Variants in SIGLEC11 observed in about 807,000 individuals in gnomAD.
SIGLEC11 encodes sialic acid-binding Ig-like lectin 11.
A neutral mutation model predicts 61.2 loss-of-function variants in SIGLEC11; 47 were observed. That is an observed-to-expected ratio of 0.77 (90% confidence interval 0.61 to 0.98). SIGLEC11 has a LOEUF of 0.98. SIGLEC11 is among the 50% of genes least tolerant of loss of function. The pLI is 0.00. For missense variants in SIGLEC11, 610 were observed against 870.3 expected (o/e 0.70, Z 3.76); for synonymous variants, 278 against 373.1 (o/e 0.75, Z 2.94).
chr19:49,952,083 G>A, intron 9 of SIGLEC11, 111 bp from the exon 10 acceptor site: 3 of 1,172,364 alleles, frequency 2.6e-6, no homozygotes, highest in South Asian at 1.5e-5. Flanking sequence ...AGTGGGGTGG[G>A]GACATATCCA....
intron 6 of SIGLEC11, 64 bp downstream of exon 6, chr19:49,958,966 C>T: frequency 2.5e-6 from 4 of 1,613,252 alleles, no homozygotes; most frequent in Non-Finnish European, 2.5e-6. Flanking sequence ...TGTGGGGACC[C>T]TCCAGACTCC....
Position 49,955,109 on chromosome 19 carries a change from C to T in SIGLEC11, c.1652-2715G>A, listed in dbSNP as rs768880779. The stretch of plus-strand genomic sequence containing the variant: ...AGGGCAAGCCCAGGGTGACGTCAAG[C>T]GGCAGCTGCAGGCATGAATGCCACC... On this transcript the variant is annotated intron_variant, in intron 8 of 10. Transcript: ENST00000447370. The surrounding 1 kb of genome is among the most constrained non-coding windows in gnomAD (Gnocchi z 4.5). Among the ~76,000 whole-genome samples the T allele has an allele frequency of 2.0e-5, 3 of 152,038 alleles. No homozygotes were observed. The highest frequency in any genetic ancestry group is 6.6e-5 in the Admixed American group (1 of 15,256).
chr19:49,952,015 G>T, intron 9 of SIGLEC11, 43 bp from the exon 10 acceptor site: 1 of 1,556,146 alleles, frequency 6.4e-7, no homozygotes. Context: ...GGCTGGTCCA[G>T]AGCCTGGGGA....
rs2076159841 is a variant in SIGLEC11, at chr19:49,951,864, C to T, written c.1830+27G>A. 1 of 1,559,320 alleles carries T rather than the reference C, an allele frequency of 6.4e-7. No homozygotes were observed. The highest frequency in any genetic ancestry group is 8.7e-7 in the Non-Finnish European group (1 of 1,153,286). On this transcript the variant is annotated intron_variant, in intron 10 of 10. Transcript: ENST00000447370. The surrounding 1 kb of genome is among the most constrained non-coding windows in gnomAD (Gnocchi z 4.6). Reference sequence around the variant, plus strand: ...TCAAGGAAAGGGGAACAGGCAGGGCCCCAGCAGACAGAGGCTGGGCTCTCA... The same window carrying T: ...TCAAGGAAAGGGGAACAGGCAGGGCTCCAGCAGACAGAGGCTGGGCTCTCA...
chr19:49,958,556 G>C lies in SIGLEC11; in HGVS notation c.1378C>G (p.Leu460Val). ...SLSVHYPPQL[L>V]GPSCSWEAEG... Reference sequence around the variant, plus strand: ...GCCTCCCAGGAGCAGGAGGGGCCCAGCAGCTGTGGAGGGTCTGTGGGGAGG... The same window carrying C: ...GCCTCCCAGGAGCAGGAGGGGCCCACCAGCTGTGGAGGGTCTGTGGGGAGG... Residue 460 changes from leucine to valine, a missense_variant, in exon 8 of 11, where the codon CTG becomes GTG. By Grantham distance (32) the Leu-to-Val change is conservative. Coordinates refer to ENST00000447370, the MANE Select transcript of SIGLEC11 (RefSeq NM_052884.3). 6.3e-7 allele frequency: 1 copy of C among 1,579,684 alleles called. No homozygotes were observed. The highest frequency in any genetic ancestry group is 8.6e-7 in the Non-Finnish European group (1 of 1,163,836).
At chr19:49,950,369 C>G in intron 10 of SIGLEC11, 133 bp from the exon 11 acceptor site, 1 of 923,542 alleles carries the variant, frequency 1.1e-6, no homozygotes. Flanking sequence ...CAGCTGGGCC[C>G]TCATTCATTC....
rs2076214412 is a variant in SIGLEC11, at chr19:49,958,472, A to C, written c.1462T>G (p.Trp488Gly). ...QASPAPSLRW[W>G]LGEELLEGNS... ...CCCTCCAGCAGCTCCTCCCCAAGCC[A>C]CCAGCGCAGAGAGGGGGCCGGGCTG... Residue 488 changes from tryptophan to glycine, a missense_variant, in exon 8 of 11, where the codon TGG (tryptophan) becomes GGG (glycine). This residue lies in a region of SIGLEC11 where 432 missense variants were observed against 441.5 expected (regional missense o/e 0.98). Coordinates refer to ENST00000447370, the MANE Select transcript of SIGLEC11 (RefSeq NM_052884.3). 1.2e-6 allele frequency: 2 copies of C among 1,612,644 alleles called. No homozygotes were observed. Among genetic ancestry groups the C allele is most frequent in the African/African-American group, 1.3e-5 (1 of 75,006 alleles).
In SIGLEC11 at chr19:49,951,890, C is replaced by G. The variant is rs760129958; in HGVS notation, c.1830+1G>C. The G allele has an allele frequency of 1.9e-6, 3 of 1,595,658 alleles. No individual in the cohort carries two copies. Reference sequence around the variant, plus strand: ...CCAGCAGACAGAGGCTGGGCTCTCACCTGGGAGATGGGTCCCAGGGTGGAG... The same window carrying G: ...CCAGCAGACAGAGGCTGGGCTCTCAGCTGGGAGATGGGTCCCAGGGTGGAG... On this transcript the variant is annotated splice_donor_variant, in intron 10 of 10. Transcript: ENST00000447370. LOFTEE classifies it high-confidence loss of function. The surrounding 1 kb of genome is among the most constrained non-coding windows in gnomAD (Gnocchi z 4.6).
intron 3 of SIGLEC11, 89 bp downstream of exon 3, chr19:49,960,048 C>G: frequency 7.0e-7 from 1 of 1,426,868 alleles, no homozygotes; most frequent in East Asian, 2.3e-5. Flanking sequence ...TGCTCCTGAG[C>G]TGGGAGCCAC....
At chr19:49,957,411 G>C (rs187956553) in intron 8 of SIGLEC11, among the ~76,000 whole-genome samples, 35 of 150,474 alleles carry the variant, frequency 2.3e-4, no homozygotes, top group African/African-American at 8.3e-4. Flanking sequence ...AAAAACCCAA[G>C]TCTTTCTATG....
chr19:49,956,585 T>A (rs1209213747), intron 8 of SIGLEC11, among the ~76,000 whole-genome samples: 1 of 151,822 alleles, frequency 6.6e-6, no homozygotes. Context: ...CTGTCTATAA[T>A]AAAGTTAAAA....
At chr19:49,954,542 G>A (rs2076182408) in intron 8 of SIGLEC11, among the ~76,000 whole-genome samples, 1 of 152,094 alleles carries the variant, frequency 6.6e-6, no homozygotes, top group African/African-American at 2.4e-5. Context: ...GAGGTGGGGG[G>A]CAACGCACCT....
rs973301888 is a variant in SIGLEC11 at position 49,960,634 on chromosome 19, C to T, written c.378G>A (p.Glu126=). 6.2e-7 allele frequency: 1 copy of T among 1,603,052 alleles called. No individual in the cohort carries two copies. The highest frequency in any genetic ancestry group is 8.5e-7 in the Non-Finnish European group (1 of 1,179,126). Residue 126 remains glutamate, a synonymous_variant, in exon 2 of 11, where the codon GAG becomes GAA. Coordinates refer to ENST00000447370, the MANE Select transcript of SIGLEC11 (RefSeq NM_052884.3). ...LVIRDAQRED[E]AWYFFRVERG... Reference sequence around the variant, plus strand: ...TCTCCACCCGAAAGAAGTACCATGCCTCATCCTCCCTCTGCGCGTCTCTGA... The same window carrying T: ...TCTCCACCCGAAAGAAGTACCATGCTTCATCCTCCCTCTGCGCGTCTCTGA...
At position 49,952,151 on chromosome 19, in the gene SIGLEC11, C is replaced by G. The variant is rs534300136; in HGVS notation, c.1748+147G>C. On this transcript the variant is annotated intron_variant, in intron 9 of 10. Coordinates refer to ENST00000447370, the MANE Select transcript of SIGLEC11 (RefSeq NM_052884.3). ...CTCATAGATGGCCCAGATCAGGGCT[C>G]TGGAGCAGACCCCTGCTCTGATCCT... 5.2e-4 allele frequency: 537 copies of G among 1,025,808 alleles called. 10 individuals are homozygous for G. In the South Asian group the frequency reaches 7.7e-3, roughly 15 times the overall value. 63.5% of individuals were successfully genotyped at this position (1,025,808 alleles called of 1,614,324 possible).
In SIGLEC11 at chr19:49,949,994, C is replaced by T. The variant is rs2076148003; in HGVS notation, c.2073G>A (p.Glu691=). The T allele has an allele frequency of 6.7e-7, 1 of 1,502,078 alleles. No homozygotes were observed. The highest frequency in any genetic ancestry group is 2.4e-5 in the East Asian group (1 of 42,484). The allele number at this position is 1,502,078 out of a possible 1,614,324, so 93.0% of individuals were successfully genotyped here. A position where few individuals can be genotyped will look rare whatever the true frequency, so the allele number is the denominator to read the frequency against. ...TTCACTTTGGAACCATCCCTGACAT[C>T]TCCCTCTCCAATTGAAGCCCAAAGC... The part of the protein sequence containing the change: ...GPGFGLQLER[E]MSGMVPK The change falls in exon 11 of 11, where the codon GAG becomes GAA. Residue 691 remains glutamate (E), a synonymous_variant. Coordinates refer to ENST00000447370, the MANE Select transcript of SIGLEC11 (RefSeq NM_052884.3).
chr19:49,951,960 G>A lies in SIGLEC11; in HGVS notation c.1761C>T (p.Cys587=), dbSNP rs1291686712. The change falls in exon 10 of 11, where the codon TGC becomes TGT. Residue 587 remains cysteine (C), a synonymous_variant. Coordinates refer to ENST00000447370, the MANE Select transcript of SIGLEC11 (RefSeq NM_052884.3). This position sits in a 1 kb window ranked among gnomAD's most constrained non-coding sequence, Gnocchi z 4.6. ...CTGCCCTCTTGCGAGCTTCCTTCCT[G>A]CAGATCTTCACCCTGAGGGAGGAGG... ...SCLVVFRVKI[C]RKEARKRAAA... is the part of the protein sequence containing the mutation. 6.2e-7 allele frequency: 1 copy of A among 1,610,452 alleles called. No individual in the cohort carries two copies. Among genetic ancestry groups the A allele is most frequent in the Non-Finnish European group, 8.5e-7 (1 of 1,178,848 alleles).
intron 8 of SIGLEC11, among the ~76,000 whole-genome samples, chr19:49,953,578 G>A (rs1033574075): frequency 6.6e-6 from 1 of 152,158 alleles, no homozygotes; most frequent in African/African-American, 2.4e-5. Flanking sequence ...AGGCTGATCA[G>A]CCACAAAATG....
chr19:49,955,231 G>A lies in SIGLEC11; in HGVS notation c.1652-2837C>T, dbSNP rs79972908. On this transcript the variant is annotated intron_variant, in intron 8 of 10. Transcript: ENST00000447370. This position sits in a 1 kb window ranked among gnomAD's most constrained non-coding sequence, Gnocchi z 4.5. ...AACAAGCGAGGCACCAAGCAGCTAGGCACACCAAGGGTTTAGTCCCTCTCC... is the reference window on the plus strand; with the variant it reads ...AACAAGCGAGGCACCAAGCAGCTAGACACACCAAGGGTTTAGTCCCTCTCC... 0.063 allele frequency among the ~76,000 whole-genome samples: 9,441 copies of A among 150,500 alleles called. 310 individuals are homozygous for A. Among genetic ancestry groups the A allele is most frequent in the Middle Eastern group, 0.09 (26 of 288 alleles).
rs552592489 is a variant in SIGLEC11 at position 49,954,368 on chromosome 19, G to C, written c.1652-1974C>G. On this transcript the variant is annotated intron_variant, in intron 8 of 10. Transcript: ENST00000447370. ...CATGCCCTGAGTCTGACCCCGAAGG[G>C]AAGGACTGGAGCCTCAAAAGGCCAG... Among the ~76,000 whole-genome samples, 3 of 152,274 alleles carry C rather than the reference G, an allele frequency of 2.0e-5. No individual in the cohort carries two copies. The East Asian group carries it at 5.8e-4, about 29-fold the overall frequency.
Sources: allele counts gnomAD v4.1 joint callset (sites outside exome capture counted in the v4.1 genomes callset), GRCh38; gene constraint gnomAD v4.1.1; regional missense constraint gnomAD v4.1.1; non-coding constraint Gnocchi (gnomAD v3.1); transcripts MANE v1.5; gene names NCBI Gene and HGNC (gene_info 2026-07-23, HGNC 2026-07-21).